The following BNC2 variants were observed in gnomAD, a reference collection of about 807,000 sequenced individuals.
BNC2 encodes the protein zinc finger protein basonuclin-2.
Under a neutral mutation model 76.3 loss-of-function variants are expected in BNC2, and 20 were observed. The observed-to-expected ratio is 0.26, with a 90% confidence interval of 0.18 to 0.38. The LOEUF (loss-of-function observed/expected upper bound fraction) is 0.38. Ranked by LOEUF, BNC2 falls within the 10% of genes least tolerant of loss-of-function variation. The pLI is 1.00. For synonymous variants in BNC2, 582 were observed against 514.8 expected (o/e 1.13, Z -1.77); for missense variants, 1,382 against 1,399.8 (o/e 0.99, Z 0.20).
intron 3 of BNC2, among the ~76,000 whole-genome samples, chr9:16,606,621 C>A (rs546521344): frequency 1.6e-4 from 25 of 152,120 alleles, no homozygotes; most frequent in African/African-American, 5.8e-4. Context: ...CAACCTCCAC[C>A]CCACAACGTT....
chr9:16,625,425 C>T (rs1180707555), intron 3 of BNC2, among the ~76,000 whole-genome samples: 1 of 152,128 alleles, frequency 6.6e-6, no homozygotes, highest in Non-Finnish European at 1.5e-5. Flanking sequence ...TGATCATTAA[C>T]CTTAATTTCT....
intron 5 of BNC2, among the ~76,000 whole-genome samples, chr9:16,509,585 A>C (rs983909917): frequency 1.3e-5 from 2 of 152,220 alleles, no homozygotes; most frequent in African/African-American, 4.8e-5. Flanking sequence ...AGCAAAAGGA[A>C]CAGTTTAAAC....
Position 16,780,164 on chromosome 9 carries a change from A to T in BNC2, c.4-41679T>A, listed in dbSNP as rs936792378. On this transcript the variant is annotated intron_variant, in intron 1 of 6. Transcript: ENST00000380672. ...GGTAGGAGAATGGCGCGAACCTGGGAGGCGGAGCTTGCAGTGAGCCGAGAT... is the reference window on the plus strand; with the variant it reads ...GGTAGGAGAATGGCGCGAACCTGGGTGGCGGAGCTTGCAGTGAGCCGAGAT... 1.7e-4 allele frequency among the ~76,000 whole-genome samples: 22 copies of T among 131,162 alleles called. 1 individual carries two copies. The highest frequency in any genetic ancestry group is 5.4e-4 in the Admixed American group (6 of 11,168). The allele number at this position is 131,162 out of a possible 152,430, so 86.0% of individuals were successfully genotyped here.
At chr9:16,601,707 G>T (rs1221495415) in intron 3 of BNC2, among the ~76,000 whole-genome samples, 1 of 160 alleles carries the variant, frequency 6.3e-3, no homozygotes, top group African/African-American at 0.022. Flanking sequence ...AATGGATGCA[G>T]GAGAAAAGAT....
intron 2 of BNC2, among the ~76,000 whole-genome samples, chr9:16,734,809 T>G (rs550981540): frequency 6.6e-6 from 1 of 152,124 alleles, no homozygotes; most frequent in Non-Finnish European, 1.5e-5. Flanking sequence ...CTTAGACCAA[T>G]AGAGGAAAAT....
intron 3 of BNC2, among the ~76,000 whole-genome samples, chr9:16,599,296 A>G (rs1210439846): frequency 2.0e-5 from 3 of 152,236 alleles, no homozygotes; most frequent in South Asian, 2.1e-4. Flanking sequence ...CATAACTTAC[A>G]TACTACAGAG....
At chr9:16,660,771 A>C (rs1822089321) in intron 3 of BNC2, among the ~76,000 whole-genome samples, 1 of 152,316 alleles carries the variant, frequency 6.6e-6, no homozygotes, top group Middle Eastern at 3.4e-3. Context: ...CAACACAACA[A>C]TAAAAATAAT....
In BNC2 at chr9:16,409,875, G is replaced by C. The variant is rs554989663; in HGVS notation, c.*9114C>G. On this transcript the variant is annotated 3_prime_UTR_variant, in exon 7 of 7. Coordinates refer to ENST00000380672, the MANE Select transcript of BNC2 (RefSeq NM_017637.6). ...TTTGAAGTACAGACTTTGATTCTGC[G>C]GCAGGCTTATTGCAAGAGACTGGTT... 6.6e-6 allele frequency: 1 copy of C among 152,532 alleles called. No individual in the cohort carries two copies. Among genetic ancestry groups the C allele is most frequent in the Non-Finnish European group, 1.5e-5 (1 of 68,036 alleles). 9.4% of individuals were successfully genotyped at this position (152,532 alleles called of 1,614,324 possible). A position where few individuals can be genotyped will look rare whatever the true frequency, so the allele number is the denominator to read the frequency against.
At chr9:16,795,430 G>A (rs1817620701) in intron 1 of BNC2, among the ~76,000 whole-genome samples, 1 of 150,190 alleles carries the variant, frequency 6.7e-6, no homozygotes, top group Non-Finnish European at 1.5e-5. Context: ...TGCAATACCG[G>A]AAACATTGGG....
At chr9:16,617,746 T>G (rs77566809) in intron 3 of BNC2, among the ~76,000 whole-genome samples, 1 of 152,216 alleles carries the variant, frequency 6.6e-6, no homozygotes, top group Non-Finnish European at 1.5e-5. Flanking sequence ...GCATTTATTA[T>G]GTTTCAGGCA....
At chr9:16,513,079 G>A (rs1299095535) in intron 5 of BNC2, among the ~76,000 whole-genome samples, 1 of 152,014 alleles carries the variant, frequency 6.6e-6, no homozygotes, top group Non-Finnish European at 1.5e-5. Context: ...GCAGGGAGCT[G>A]AGATCACACC....
intron 1 of BNC2, among the ~76,000 whole-genome samples, chr9:16,818,457 G>A (rs1818237391): frequency 1.3e-5 from 2 of 152,178 alleles, no homozygotes; most frequent in African/African-American, 2.4e-5. Flanking sequence ...CGGTTTGGAA[G>A]TTTAAAGAGA....
At chr9:16,481,285 A>G (rs1354769311) in intron 5 of BNC2, among the ~76,000 whole-genome samples, 2 of 152,114 alleles carry the variant, frequency 1.3e-5, no homozygotes, top group Non-Finnish European at 2.9e-5. Flanking sequence ...AGAGAATAAA[A>G]GCAGGCTGCC....
At chr9:16,789,204 G>A (rs1393504974) in intron 1 of BNC2, among the ~76,000 whole-genome samples, 1 of 152,064 alleles carries the variant, frequency 6.6e-6, no homozygotes, top group Non-Finnish European at 1.5e-5. Flanking sequence ...AACATCAGTG[G>A]TTGCTAGGGA....
At position 16,766,316 on chromosome 9, in the gene BNC2, G is replaced by C. The variant is rs113007194; in HGVS notation, c.4-27831C>G. Among the ~76,000 whole-genome samples, 343 of 152,212 alleles carry C rather than the reference G, an allele frequency of 2.3e-3. 2 individuals are homozygous for C. Among genetic ancestry groups the C allele is most frequent in the African/African-American group, 8.0e-3 (334 of 41,516 alleles). On this transcript the variant is annotated intron_variant, in intron 1 of 6. Coordinates refer to ENST00000380672, the MANE Select transcript of BNC2 (RefSeq NM_017637.6). ...TTTCTTTCAACTTGGGGGAAGGTGGGAGGGATGAGGGGAATCCTCATTCTG... is the reference window on the plus strand; with the variant it reads ...TTTCTTTCAACTTGGGGGAAGGTGGCAGGGATGAGGGGAATCCTCATTCTG...
At chr9:16,608,910 T>A (rs935153265) in intron 3 of BNC2, among the ~76,000 whole-genome samples, 1 of 152,176 alleles carries the variant, frequency 6.6e-6, no homozygotes, top group African/African-American at 2.4e-5. Flanking sequence ...AAGCTCTAGG[T>A]TTCCATATTT....
At chr9:16,682,239 G>A (rs1822845758) in intron 3 of BNC2, among the ~76,000 whole-genome samples, 1 of 150,522 alleles carries the variant, frequency 6.6e-6, no homozygotes, top group South Asian at 2.1e-4. Context: ...CTTTGCCCCA[G>A]TAGGTTTATC....
chr9:16,524,435 C>G (rs1485694904), intron 5 of BNC2, among the ~76,000 whole-genome samples: 1 of 152,024 alleles, frequency 6.6e-6, no homozygotes, highest in Non-Finnish European at 1.5e-5. Flanking sequence ...GACAAGTTCC[C>G]TAAGGAAATT....
intron 5 of BNC2, among the ~76,000 whole-genome samples, chr9:16,454,784 A>AATGTAGAT (rs1821412746): frequency 6.6e-6 from 1 of 152,220 alleles, no homozygotes; most frequent in African/African-American, 2.4e-5. Context: ...CACATTTGCA[A>AATGTAGAT]ATGTAGATAT....
Sources: gnomAD v4.1 joint callset for allele counts (sites outside exome capture counted in the v4.1 genomes callset) on GRCh38, gnomAD v4.1.1 for gene constraint, MANE v1.5 for transcripts, NCBI Gene and HGNC (gene_info 2026-07-23, HGNC 2026-07-21) for gene names.